The following SNAPC3 variants were observed in gnomAD, a reference collection of about 807,000 sequenced individuals.
SNAPC3 encodes the protein snRNA-activating protein complex subunit 3.
In SNAPC3, 56 loss-of-function variants were observed where a neutral mutation model predicts 47.7. That is an observed-to-expected ratio of 1.18 (90% CI 0.95 to 1.47). SNAPC3 has a LOEUF of 1.47. Among genes scored for constraint, SNAPC3 ranks in the 40% most tolerant of loss-of-function variants. SNAPC3 has a pLI of 0.00. For synonymous variants in SNAPC3, 235 were observed against 189.9 expected (o/e 1.24, Z -1.95); for missense variants, 665 against 511.3 (o/e 1.30, Z -2.90).
intron 2 of SNAPC3, among the ~76,000 whole-genome samples, chr9:15,430,048 C>A (rs2031936752): frequency 6.6e-6 from 1 of 152,104 alleles, no homozygotes; most frequent in Non-Finnish European, 1.5e-5. Flanking sequence ...AAAATTTGCT[C>A]CCTGCTAATG....
intron 6 of SNAPC3, among the ~76,000 whole-genome samples, chr9:15,452,617 C>T (rs2034477039): frequency 6.6e-6 from 1 of 152,180 alleles, no homozygotes; most frequent in African/African-American, 2.4e-5. Flanking sequence ...CATGCCCAGC[C>T]TTGCATTTCT....
At chr9:15,454,011 G>C (rs912531456) in intron 7 of SNAPC3, among the ~76,000 whole-genome samples, 1 of 152,146 alleles carries the variant, frequency 6.6e-6, no homozygotes. Flanking sequence ...GACTGAAGTG[G>C]GCAAATTGAG....
intron 3 of SNAPC3, among the ~76,000 whole-genome samples, chr9:15,434,322 A>G (rs565610407): frequency 2.0e-5 from 3 of 151,856 alleles, no homozygotes; most frequent in African/African-American, 4.8e-5. Flanking sequence ...GCCCCTGCTA[A>G]CCTCTATTCT....
At position 15,460,148 on chromosome 9, in the gene SNAPC3, G is replaced by T; in HGVS notation, c.*282G>T. 4.7e-6 allele frequency: 1 copy of T among 213,710 alleles called. No individual in the cohort carries two copies. Among genetic ancestry groups the T allele is most frequent in the Non-Finnish European group, 9.1e-6 (1 of 109,618 alleles). The allele number at this position is 213,710 out of a possible 1,614,324, so 13.2% of individuals were successfully genotyped here. ...TATATATTCTGACTTTAAATCCTTTGTCAGACACACATATTCTTTCTCCCA... is the reference window on the plus strand; with the variant it reads ...TATATATTCTGACTTTAAATCCTTTTTCAGACACACATATTCTTTCTCCCA... On this transcript the variant is annotated 3_prime_UTR_variant, in exon 9 of 9. Coordinates refer to ENST00000380821, the MANE Select transcript of SNAPC3 (RefSeq NM_001039697.2).
chr9:15,453,049 T>C lies in SNAPC3; in HGVS notation c.824T>C (p.Ile275Thr), dbSNP rs199652997. 5.0e-6 allele frequency: 8 copies of C among 1,612,442 alleles called. No individual in the cohort carries two copies. The highest frequency in any genetic ancestry group is 5.9e-6 in the Non-Finnish European group (7 of 1,179,210). Reference sequence around the variant, plus strand: ...GCCTTTTCCCCCCTCAGAACTATCATTGAGTGGTCAGAGTCCCATGATAGA... The same window carrying C: ...GCCTTTTCCCCCCTCAGAACTATCACTGAGTGGTCAGAGTCCCATGATAGA... ...PECRDLSRTI[I>T]EWSESHDRGY... Residue 275 changes from isoleucine to threonine, a missense_variant, in exon 7 of 9, where the codon ATT becomes ACT. Transcript: ENST00000380821.
chr9:15,439,074 A>G (rs2131831372), intron 3 of SNAPC3, among the ~76,000 whole-genome samples: 1 of 152,214 alleles, frequency 6.6e-6, no homozygotes, highest in South Asian at 2.1e-4. Flanking sequence ...CGGTGGCGCC[A>G]TCACTGCGCA....
At chr9:15,457,250 C>T (rs1292138289) in intron 7 of SNAPC3, among the ~76,000 whole-genome samples, 1 of 152,088 alleles carries the variant, frequency 6.6e-6, no homozygotes, top group Non-Finnish European at 1.5e-5. Flanking sequence ...ACCAGTTAAT[C>T]TAGGTAAAAT....
In SNAPC3 at chr9:15,461,460, C is replaced by G. The variant is rs2131998893; in HGVS notation, c.*1594C>G. 6.6e-6 allele frequency: 1 copy of G among 152,336 alleles called. No homozygotes were observed. Among genetic ancestry groups the G allele is most frequent in the Admixed American group, 6.5e-5 (1 of 15,302 alleles). The allele number at this position is 152,336 out of a possible 1,614,324, so 9.4% of individuals were successfully genotyped here. On this transcript the variant is annotated 3_prime_UTR_variant, in exon 9 of 9. Coordinates refer to ENST00000380821, the MANE Select transcript of SNAPC3 (RefSeq NM_001039697.2). ...TACAGGCATGAACCACAGCGCCCAG[C>G]AAAATAAACTTTCTTTATTTTCAGG...
downstream of SNAPC3, chr9:15,465,472 A>C (rs781727072): frequency 1.7e-5 from 24 of 1,440,212 alleles, no homozygotes; most frequent in Non-Finnish European, 2.2e-5. Flanking sequence ...TTCAAATGAA[A>C]ACCATTACAA....
intron 7 of SNAPC3, 32 bp downstream of exon 7, chr9:15,453,237 C>G (rs2034529126): frequency 6.8e-7 from 1 of 1,463,710 alleles, no homozygotes; most frequent in Non-Finnish European, 9.3e-7. Context: ...ATTTTGTTAC[C>G]TTTTTTTTTC....
At chr9:15,436,719 A>G (rs987310007) in intron 3 of SNAPC3, among the ~76,000 whole-genome samples, 5 of 152,006 alleles carry the variant, frequency 3.3e-5, no homozygotes, top group African/African-American at 9.7e-5. Flanking sequence ...TTGAACCTGT[A>G]GATTACTTTG....
At chr9:15,450,408 C>G (rs530720124) in intron 5 of SNAPC3, among the ~76,000 whole-genome samples, 16 of 152,214 alleles carry the variant, frequency 1.1e-4, no homozygotes, top group African/African-American at 3.6e-4. Flanking sequence ...ATTTTAGTAC[C>G]TGAAACATAT....
chr9:15,465,541 C>A, downstream of SNAPC3: 2 of 1,581,988 alleles, frequency 1.3e-6, no homozygotes, highest in Non-Finnish European at 1.7e-6. Flanking sequence ...GTGTAGAATC[C>A]TTCAGAGATA....
chr9:15,431,563 T>A (rs1458112490), intron 2 of SNAPC3, among the ~76,000 whole-genome samples: 1 of 149,752 alleles, frequency 6.7e-6, no homozygotes, highest in Non-Finnish European at 1.5e-5. Flanking sequence ...ACAAAGGAAA[T>A]GGAAAGGACA....
Position 15,423,878 on chromosome 9 carries a change from C to G in SNAPC3, c.315-31C>G, listed in dbSNP as rs138225371. On this transcript the variant is annotated intron_variant, in intron 1 of 8. Coordinates refer to ENST00000380821, the MANE Select transcript of SNAPC3 (RefSeq NM_001039697.2). ...GCTGTGAACCAGATGCAGAGTCGAC[C>G]TTAAAGTATTGCTTTTCCTTTTTGT... The G allele has an allele frequency of 1.4e-4, 192 of 1,388,298 alleles. No homozygotes were observed. The East Asian group carries it at 4.0e-3, about 29-fold the overall frequency. The allele number at this position is 1,388,298 out of a possible 1,614,324, so 86.0% of individuals were successfully genotyped here.
At chr9:15,441,344 ATT>A (rs896348905) in intron 3 of SNAPC3, among the ~76,000 whole-genome samples, 1 of 134,900 alleles carries the variant, frequency 7.4e-6, no homozygotes, top group Non-Finnish European at 1.6e-5. Flanking sequence ...AGCTGTATCA[ATT>A]TGCATCCTTG....
At position 15,441,797 on chromosome 9, in the gene SNAPC3, C is replaced by T. The variant is rs539448567; in HGVS notation, c.478-2805C>T. Among the ~76,000 whole-genome samples, 109 of 152,336 alleles carry T rather than the reference C, an allele frequency of 7.2e-4. 1 individual carries two copies. Among genetic ancestry groups the T allele is most frequent in the South Asian group, 3.9e-3 (19 of 4,832 alleles). Reference sequence around the variant, plus strand: ...TGGAATCTCCTATGTCTACTTCTTTCTACACAGACACAGCAACAATCTGAT... The same window carrying T: ...TGGAATCTCCTATGTCTACTTCTTTTTACACAGACACAGCAACAATCTGAT... On this transcript the variant is annotated intron_variant, in intron 3 of 8. Transcript: ENST00000380821.
chr9:15,433,022 C>A (rs949899019), intron 2 of SNAPC3, among the ~76,000 whole-genome samples: 5 of 152,120 alleles, frequency 3.3e-5, no homozygotes, highest in African/African-American at 1.2e-4. Context: ...ATATCATGAA[C>A]ATCTTGATAT....
rs562670014 is a variant in SNAPC3, at chr9:15,444,936, CA to C, written c.582+237del. The stretch of plus-strand genomic sequence containing the variant: ...GTGAGACCTTGTCTCTACTAAAAAT[CA>C]AAAAAATTAGCTAGGCATGGTGGTG... On this transcript the variant is annotated intron_variant, in intron 4 of 8. Coordinates refer to ENST00000380821, the MANE Select transcript of SNAPC3 (RefSeq NM_001039697.2). Among the ~76,000 whole-genome samples, 206 of 152,000 alleles carry C rather than the reference CA, an allele frequency of 1.4e-3. 3 individuals carry two copies. The highest frequency in any genetic ancestry group is 4.6e-4 in the Non-Finnish European group (31 of 67,926).
Sources: allele counts gnomAD v4.1 joint callset (sites outside exome capture counted in the v4.1 genomes callset), GRCh38; gene constraint gnomAD v4.1.1; transcripts MANE v1.5; gene names NCBI Gene and HGNC (gene_info 2026-07-23, HGNC 2026-07-21).